Variants in FAM83E observed in about 807,000 individuals in gnomAD.
The protein encoded by FAM83E is protein FAM83E.
A neutral mutation model predicts 34.3 loss-of-function variants in FAM83E; 29 were observed. The ratio of observed to expected loss-of-function variants is 0.85; its 90% confidence interval spans 0.63 to 1.15. The LOEUF (loss-of-function observed/expected upper bound fraction) is 1.15, where lower values mean the gene tolerates loss of function less well. FAM83E is among the 50% of genes most tolerant of loss of function. The pLI is 0.00. For synonymous variants in FAM83E, 312 were observed against 311.6 expected (o/e 1.00, Z -0.01); for missense variants, 697 against 685.0 (o/e 1.02, Z -0.20).
At position 48,600,029 on chromosome 19, in the gene FAM83E, C is replaced by T. The variant is rs550102224; in HGVS notation, c.*1080G>A. Reference sequence around the variant, plus strand: ...AGCTCCGGCAGACCCGCCCTCTCAGCGCCCACAGAAAGTCCCACCACCCAC... The same window carrying T: ...AGCTCCGGCAGACCCGCCCTCTCAGTGCCCACAGAAAGTCCCACCACCCAC... On this transcript the variant is annotated 3_prime_UTR_variant, in exon 7 of 7. Coordinates refer to ENST00000263266, the MANE Select transcript of FAM83E (RefSeq NM_017708.4). Among the ~76,000 whole-genome samples, 5 of 152,292 alleles carry T rather than the reference C, an allele frequency of 3.3e-5. No individual in the cohort carries two copies. Among genetic ancestry groups the T allele is most frequent in the South Asian group, 2.1e-4 (1 of 4,826 alleles).
intron 3 of FAM83E, among the ~76,000 whole-genome samples, chr19:48,611,695 T>C (rs1049313402): frequency 3.9e-5 from 6 of 152,170 alleles, no homozygotes; most frequent in Non-Finnish European, 8.8e-5. Flanking sequence ...CTTGAACCCC[T>C]GACCTCAGGT....
chr19:48,610,038 G>T lies in FAM83E; in HGVS notation c.634-38C>A, dbSNP rs776489820. The T allele has an allele frequency of 1.9e-6, 3 of 1,600,466 alleles. No homozygotes were observed. In the South Asian group the frequency reaches 3.3e-5, roughly 18 times the overall value. ...GGAGTGGAGGGTACACCCTTGCTGAGGCCCACTGCATGGATTCAGGCTCCC... is the reference window on the plus strand; with the variant it reads ...GGAGTGGAGGGTACACCCTTGCTGATGCCCACTGCATGGATTCAGGCTCCC... On this transcript the variant is annotated intron_variant, in intron 4 of 6. Coordinates refer to ENST00000263266, the MANE Select transcript of FAM83E (RefSeq NM_017708.4).
chr19:48,614,868 G>A, intron 1 of FAM83E, 29 bp from the exon 2 acceptor site: 1 of 909,826 alleles, frequency 1.1e-6, no homozygotes, highest in South Asian at 5.1e-5. Flanking sequence ...GGCCCCTTGT[G>A]TAAACACAGG....
chr19:48,608,627 G>A (rs540857471), intron 5 of FAM83E, among the ~76,000 whole-genome samples: 43 of 134,868 alleles, frequency 3.2e-4, no homozygotes, highest in African/African-American at 1.3e-3. Context: ...TGTATTTTTA[G>A]TAGAGACAGG....
Position 48,613,498 on chromosome 19 carries a change from T to G in FAM83E, c.-126A>C, listed in dbSNP as rs1974090163. ...AGACCCTACGTGGCCATCCGAGGCCTCCGGCGGGGCCCTGCAGATGTCCAA... is the reference window on the plus strand; with the variant it reads ...AGACCCTACGTGGCCATCCGAGGCCGCCGGCGGGGCCCTGCAGATGTCCAA... On this transcript the variant is annotated 5_prime_UTR_variant, in exon 3 of 7. Transcript: ENST00000263266. 1 of 1,429,122 alleles carries G rather than the reference T, an allele frequency of 7.0e-7. No individual in the cohort carries two copies. Among genetic ancestry groups the G allele is most frequent in the Non-Finnish European group, 9.1e-7 (1 of 1,095,820 alleles). 88.5% of individuals were successfully genotyped at this position (1,429,122 alleles called of 1,614,324 possible). A position where few individuals can be genotyped will look rare whatever the true frequency, so the allele number is the denominator to read the frequency against.
At chr19:48,605,830 C>T (rs1366133335) in intron 5 of FAM83E, among the ~76,000 whole-genome samples, 2 of 151,372 alleles carry the variant, frequency 1.3e-5, no homozygotes, top group Non-Finnish European at 2.9e-5. Flanking sequence ...GGATTACAGG[C>T]GTGAGCCACT....
Position 48,601,235 on chromosome 19 carries a change from G to C in FAM83E, c.1311C>G (p.His437Gln). 6.2e-7 allele frequency: 1 copy of C among 1,607,258 alleles called. No individual in the cohort carries two copies. The highest frequency in any genetic ancestry group is 8.5e-7 in the Non-Finnish European group (1 of 1,176,154). Residue 437 changes from histidine (H) to glutamine (Q), a missense_variant, in exon 7 of 7, where the codon CAC becomes CAG. Coordinates refer to ENST00000263266, the MANE Select transcript of FAM83E (RefSeq NM_017708.4). ...GGGCTGGGGACAGATAGCGGAGGCG[G>C]TGGGCGGGGGGCAGGGGCAGGGCAC... ...WGGALPLPPA[H>Q]RLRYLSPARR...
chr19:48,606,498 T>A (rs994111767), intron 5 of FAM83E, among the ~76,000 whole-genome samples: 5 of 152,172 alleles, frequency 3.3e-5, no homozygotes, highest in Non-Finnish European at 7.3e-5. Context: ...GGGGTCACTA[T>A]GGGAGGTGTG....
rs781053390 is a variant in FAM83E at position 48,613,103 on chromosome 19, G to A, written c.270C>T (p.Thr90=). 3.1e-6 allele frequency: 5 copies of A among 1,610,360 alleles called. No individual in the cohort carries two copies. The African/African-American group carries it at 4.0e-5, about 13-fold the overall frequency. The change falls in exon 3 of 7, where the codon ACC becomes ACT. Residue 90 remains threonine, a synonymous_variant. Transcript: ENST00000263266. ...EPSGMAEGAT[T]TDVDAGSLSY... ...TCAGGCTGCCCGCGTCCACATCGGT[G>A]GTGGTGGCTCCCTCTGCCATCCCGC...
In FAM83E at chr19:48,613,503, C is replaced by T. The variant is rs443527; in HGVS notation, c.-131G>A. On this transcript the variant is annotated 5_prime_UTR_variant, in exon 3 of 7. Transcript: ENST00000263266. ...CTACGTGGCCATCCGAGGCCTCCGG[C>T]GGGGCCCTGCAGATGTCCAAATGGC... 2.1e-6 allele frequency: 3 copies of T among 1,427,850 alleles called. No homozygotes were observed. The highest frequency in any genetic ancestry group is 2.5e-5 in the East Asian group (1 of 39,820). The allele number at this position is 1,427,850 out of a possible 1,614,324, so 88.4% of individuals were successfully genotyped here. A position where few individuals can be genotyped will look rare whatever the true frequency, so the allele number is the denominator to read the frequency against.
In FAM83E at chr19:48,600,844, G is replaced by C. The variant is rs1401873524; in HGVS notation, c.*265C>G. 6.4e-6 allele frequency: 3 copies of C among 467,958 alleles called. No individual in the cohort carries two copies. Among genetic ancestry groups the C allele is most frequent in the Non-Finnish European group, 1.0e-5 (3 of 291,822 alleles). The allele number at this position is 467,958 out of a possible 1,614,324, so 29.0% of individuals were successfully genotyped here. On this transcript the variant is annotated 3_prime_UTR_variant, in exon 7 of 7. Coordinates refer to ENST00000263266, the MANE Select transcript of FAM83E (RefSeq NM_017708.4). ...TTTGTTTTTTTAATTGTAGAGATGG[G>C]GTCTCACTATGTTGCCCAGGCTGGT...
Position 48,600,481 on chromosome 19 carries a change from G to A in FAM83E, c.*628C>T, listed in dbSNP as rs576303162. Among the ~76,000 whole-genome samples, 34 of 152,078 alleles carry A rather than the reference G, an allele frequency of 2.2e-4. 1 individual carries two copies. The highest frequency in any genetic ancestry group is 1.4e-3 in the Admixed American group (21 of 15,256). ...CTCCTAAGTAGCTGGGATTACAGGC[G>A]CCCGCCACCACACCTGGCTAATTTT... is the stretch of plus-strand genomic sequence containing the variant. On this transcript the variant is annotated 3_prime_UTR_variant, in exon 7 of 7. Transcript: ENST00000263266.
rs1277598325 is a variant in FAM83E, at chr19:48,600,987, C to T, written c.*122G>A. ...GAACAAGTGACAAACATCCCTTCTG[C>T]TTGACAGACGCCGAGGCCAGAAGCC... On this transcript the variant is annotated 3_prime_UTR_variant, in exon 7 of 7. Transcript: ENST00000263266. 1 of 1,477,520 alleles carries T rather than the reference C, an allele frequency of 6.8e-7. No individual in the cohort carries two copies. Among genetic ancestry groups the T allele is most frequent in the Non-Finnish European group, 8.9e-7 (1 of 1,121,662 alleles). 91.5% of individuals were successfully genotyped at this position (1,477,520 alleles called of 1,614,324 possible). A position where few individuals can be genotyped will look rare whatever the true frequency, so the allele number is the denominator to read the frequency against.
At position 48,613,288 on chromosome 19, in the gene FAM83E, C is replaced by T. The variant is rs764158659; in HGVS notation, c.85G>A (p.Glu29Lys). Residue 29 changes from glutamate to lysine, a missense_variant, in exon 3 of 7, where the codon GAG (glutamate) becomes AAG (lysine). Transcript: ENST00000263266. ...GCCTCCAGTGCCAGCCGCTGGCCCT[C>T]GGAATATAGAAAGCCGGGGCTGGCC... ...PGASPGFLYS[E>K]GQRLALEALL... is the part of the protein sequence containing the mutation. The T allele has an allele frequency of 2.1e-5, 34 of 1,608,120 alleles. No individual in the cohort carries two copies. The highest frequency in any genetic ancestry group is 6.6e-5 in the South Asian group (6 of 90,802).
rs936900047 is a variant in FAM83E, at chr19:48,614,510, C to A, written c.-1138G>T. 1 of 985,536 alleles carries A rather than the reference C, an allele frequency of 1.0e-6. No individual in the cohort carries two copies. Among genetic ancestry groups the A allele is most frequent in the Non-Finnish European group, 1.2e-6 (1 of 830,116 alleles). 61.0% of individuals were successfully genotyped at this position (985,536 alleles called of 1,614,324 possible). ...TCTCCCTCCCAAGCCTCAGTTATCCCCTTGAGGCTCCTGACCCAACCTCGG... is the reference window on the plus strand; with the variant it reads ...TCTCCCTCCCAAGCCTCAGTTATCCACTTGAGGCTCCTGACCCAACCTCGG... On this transcript the variant is annotated 5_prime_UTR_variant, in exon 3 of 7. Coordinates refer to ENST00000263266, the MANE Select transcript of FAM83E (RefSeq NM_017708.4).
chr19:48,611,938 G>A (rs1459613819), intron 3 of FAM83E, among the ~76,000 whole-genome samples: 2 of 152,152 alleles, frequency 1.3e-5, no homozygotes, highest in African/African-American at 2.4e-5. Context: ...GTGCAGGACG[G>A]CTGACCTGCT....
chr19:48,603,591 G>A lies in FAM83E; in HGVS notation c.1079C>T (p.Ala360Val), dbSNP rs1245269988. 15 of 1,543,578 alleles carry A rather than the reference G, an allele frequency of 9.7e-6. No individual in the cohort carries two copies. The East Asian group carries it at 3.4e-4, about 34-fold the overall frequency. ...LSDILRSVQRARTPSGPPARP... is the reference protein window; with the variant it reads ...LSDILRSVQRVRTPSGPPARP... ...GGCCGGGGGGCCGCTGGGGGTCCGG[G>A]CGCGCTGCACACTCCTTAGAATGTC... The change falls in exon 6 of 7, where the codon GCC becomes GTC. Residue 360 changes from alanine to valine, a missense_variant. By Grantham distance (64) the Ala-to-Val change is moderately conservative (BLOSUM62 0). Transcript: ENST00000263266.
In FAM83E at chr19:48,614,786, G is replaced by A. The variant is rs889637255; in HGVS notation, c.-1334C>T. The stretch of plus-strand genomic sequence containing the variant: ...CGAGAACGTAGGCTGTGGCTCCCCG[G>A]CTTCTACTTCTGCGGTGCTTCCCGG... On this transcript the variant is annotated 5_prime_UTR_variant, in exon 2 of 7. Transcript: ENST00000263266. The A allele has an allele frequency of 1.3e-5, 13 of 983,664 alleles. No individual in the cohort carries two copies. In the African/African-American group the frequency reaches 2.1e-4, roughly 16 times the overall value. 60.9% of individuals were successfully genotyped at this position (983,664 alleles called of 1,614,324 possible).
At chr19:48,610,940 G>T in intron 3 of FAM83E, 93 bp from the exon 4 acceptor site, 18 of 1,315,862 alleles carry the variant, frequency 1.4e-5, no homozygotes, top group Non-Finnish European at 1.8e-5. Context: ...TGGAATCTGG[G>T]AGTAAAGTGC....
Sources: allele counts gnomAD v4.1 joint callset (sites outside exome capture counted in the v4.1 genomes callset), GRCh38; gene constraint gnomAD v4.1.1; transcripts MANE v1.5; gene names NCBI Gene and HGNC (gene_info 2026-07-23, HGNC 2026-07-21).